BICRA: variants seen among roughly 807,000 people sequenced by gnomAD.
The protein encoded by BICRA is BRD4-interacting chromatin-remodeling complex-associated protein.
A neutral mutation model predicts 96.9 loss-of-function variants in BICRA; 31 were observed. That is an observed-to-expected ratio of 0.32 (90% CI 0.24 to 0.43). The LOEUF is 0.43. Among genes scored for constraint, BICRA ranks in the 20% least tolerant of loss-of-function variants. BICRA has a pLI of 1.00. For missense variants in BICRA, 2,283 were observed against 2,190.3 expected (o/e 1.04, Z -0.84); for synonymous variants, 1,350 against 1,071.8 (o/e 1.26, Z -5.07).
intron 1 of BICRA, among the ~76,000 whole-genome samples, chr19:47,613,998 T>C (rs906977533): frequency 6.6e-6 from 1 of 151,936 alleles, no homozygotes; most frequent in African/African-American, 2.4e-5. Context: ...TTAAACTTCC[T>C]GAGGGCCTAC....
At chr19:47,650,588 T>G (rs1267575394) in intron 1 of BICRA, among the ~76,000 whole-genome samples, 1 of 152,108 alleles carries the variant, frequency 6.6e-6, no homozygotes, top group African/African-American at 2.4e-5. Context: ...TGGCAAAAGG[T>G]GCAATGATTT....
chr19:47,666,340 C>T (rs771488140), intron 1 of BICRA, among the ~76,000 whole-genome samples: 12 of 150,068 alleles, frequency 8.0e-5, no homozygotes, highest in Admixed American at 2.0e-4. Flanking sequence ...AGTGCAGTGG[C>T]GCAATCTCAG....
intron 1 of BICRA, among the ~76,000 whole-genome samples, chr19:47,645,733 T>C (rs1476123092): frequency 6.6e-6 from 1 of 152,216 alleles, no homozygotes; most frequent in South Asian, 2.1e-4. Flanking sequence ...ATCTTCCTTC[T>C]GATTGGCTCT....
In BICRA at chr19:47,652,024, C is replaced by G. The variant is rs150550117; in HGVS notation, c.-107-18419C>G. Among the ~76,000 whole-genome samples, 269 of 152,268 alleles carry G rather than the reference C, an allele frequency of 1.8e-3. 1 individual carries two copies. The highest frequency in any genetic ancestry group is 6.2e-3 in the African/African-American group (257 of 41,546). ...GACCCAGGCCTGTGACTCTGCCAGC[C>G]CAAACCCCTGCCAGGTCCTGGGCAG... On this transcript the variant is annotated intron_variant, in intron 1 of 14. Transcript: ENST00000594866.
intron 9 of BICRA, 102 bp from the exon 10 acceptor site, chr19:47,695,262 GC>G: frequency 2.6e-6 from 2 of 772,762 alleles, no homozygotes; most frequent in Non-Finnish European, 2.2e-6. Context: ...GGGCCGGAGG[GC>G]CAGGAGGAGA....
intron 1 of BICRA, among the ~76,000 whole-genome samples, chr19:47,634,832 G>T (rs539170813): frequency 2.8e-5 from 4 of 144,222 alleles, no homozygotes; most frequent in Admixed American, 7.3e-5. Context: ...GCGCGATCTC[G>T]GCTCACTGCA....
In BICRA at chr19:47,680,996, C is replaced by T; in HGVS notation, c.1826C>T (p.Ala609Val). The change falls in exon 6 of 15, where the codon GCC (alanine) becomes GTC (valine). Residue 609 changes from alanine to valine, a missense_variant. Transcript: ENST00000594866. Reference sequence around the variant, plus strand: ...GGCCTGGTGCAGCCGGCCACCCCTGCCGCTGCCACCGGGGAGGCCGCGCCT... The same window carrying T: ...GGCCTGGTGCAGCCGGCCACCCCTGTCGCTGCCACCGGGGAGGCCGCGCCT... ...PDGLVQPATP[A>V]AATGEAAPVL... 3 of 1,460,548 alleles carry T rather than the reference C, an allele frequency of 2.1e-6. No homozygotes were observed. Among genetic ancestry groups the T allele is most frequent in the South Asian group, 2.7e-5 (2 of 75,396 alleles). 90.5% of individuals were successfully genotyped at this position (1,460,548 alleles called of 1,614,324 possible).
chr19:47,642,802 C>T (rs2123537120), intron 1 of BICRA, among the ~76,000 whole-genome samples: 1 of 152,314 alleles, frequency 6.6e-6, no homozygotes, highest in South Asian at 2.1e-4. Context: ...CCAGTTGCCC[C>T]ACATCTTCCC....
intron 7 of BICRA, among the ~76,000 whole-genome samples, chr19:47,692,476 C>A (rs746795328): frequency 2.0e-5 from 3 of 151,930 alleles, no homozygotes; most frequent in Non-Finnish European, 4.4e-5. Context: ...GTTATCTGCC[C>A]GCCTCAGCCT....
intron 5 of BICRA, among the ~76,000 whole-genome samples, chr19:47,676,656 A>G (rs1262703131): frequency 6.9e-6 from 1 of 145,602 alleles, no homozygotes; most frequent in Non-Finnish European, 1.5e-5. Context: ...TTCACCAAAC[A>G]CTTATTATAC....
chr19:47,667,082 G>C (rs1469215506), intron 1 of BICRA, among the ~76,000 whole-genome samples: 2 of 147,702 alleles, frequency 1.4e-5, no homozygotes, highest in Non-Finnish European at 3.0e-5. Context: ...GCAGTGGCAC[G>C]ATCTCGGCTC....
chr19:47,619,182 A>G (rs911794137), intron 1 of BICRA, among the ~76,000 whole-genome samples: 2 of 100,138 alleles, frequency 2.0e-5, no homozygotes, highest in African/African-American at 4.0e-5. Context: ...TGGACAGTGT[A>G]TATATATATG....
At chr19:47,648,691 T>G (rs551105939) in intron 1 of BICRA, among the ~76,000 whole-genome samples, 44 of 150,828 alleles carry the variant, frequency 2.9e-4, no homozygotes, top group Non-Finnish European at 4.1e-4. Flanking sequence ...TTGTTTTTTT[T>G]TTTTTGAGAC....
At chr19:47,679,020 C>T (rs527827520) in intron 5 of BICRA, 23 of 270,910 alleles carry the variant, frequency 8.5e-5, no homozygotes, top group South Asian at 3.3e-4. Flanking sequence ...CTCACCTCAG[C>T]CTCCCAAGTA....
At chr19:47,613,614 C>T (rs546997924) in intron 1 of BICRA, among the ~76,000 whole-genome samples, 1 of 152,274 alleles carries the variant, frequency 6.6e-6, no homozygotes, top group African/African-American at 2.4e-5. Flanking sequence ...CCCCTCCTTA[C>T]TCACCCCTTC....
intron 1 of BICRA, among the ~76,000 whole-genome samples, chr19:47,634,756 ATTTTT>A (rs57492096): frequency 1.7e-5 from 2 of 120,296 alleles, no homozygotes; most frequent in African/African-American, 6.8e-5. Context: ...TTAAAATTAA[ATTTTT>A]TTTTTTTTTT....
At chr19:47,627,374 A>G (rs1444479342) in intron 1 of BICRA, among the ~76,000 whole-genome samples, 1 of 152,130 alleles carries the variant, frequency 6.6e-6, no homozygotes, top group Non-Finnish European at 1.5e-5. Flanking sequence ...AGAGAGGCCT[A>G]CTTCCTCCTT....
At chr19:47,668,988 C>T (rs1972824591) in intron 1 of BICRA, among the ~76,000 whole-genome samples, 1 of 151,978 alleles carries the variant, frequency 6.6e-6, no homozygotes, top group African/African-American at 2.4e-5. Context: ...TGCCTTATCC[C>T]AGCTACTCAG....
Position 47,691,322 on chromosome 19 carries a change from G to A in BICRA, c.2284-2793G>A, listed in dbSNP as rs554522470. On this transcript the variant is annotated intron_variant, in intron 7 of 14. Transcript: ENST00000594866. ...AGGCTTTTTATAACTAATCTTGGAAGTGTCATATAATCACTTCTGCCAAAT... is the reference window on the plus strand; with the variant it reads ...AGGCTTTTTATAACTAATCTTGGAAATGTCATATAATCACTTCTGCCAAAT... Among the ~76,000 whole-genome samples, 10 of 152,322 alleles carry A rather than the reference G, an allele frequency of 6.6e-5. No individual in the cohort carries two copies. The East Asian group carries it at 1.5e-3, about 23-fold the overall frequency.
Sources: gnomAD v4.1 joint callset for allele counts (sites outside exome capture counted in the v4.1 genomes callset) on GRCh38, gnomAD v4.1.1 for gene constraint, MANE v1.5 for transcripts, NCBI Gene and HGNC (gene_info 2026-07-23, HGNC 2026-07-21) for gene names.